Variants in RIOK1 observed in about 807,000 individuals in gnomAD.
RIOK1 encodes serine/threonine-protein kinase RIO1.
Under a neutral mutation model 73.5 loss-of-function variants are expected in RIOK1, and 66 were observed. That is an observed-to-expected ratio of 0.90 (90% CI 0.74 to 1.10). The LOEUF is 1.10. Ranked by LOEUF, RIOK1 falls within the 50% of genes least tolerant of loss-of-function variation. The pLI is 0.00. For synonymous variants in RIOK1, 224 were observed against 226.8 expected, an observed-to-expected ratio of 0.99 and a Z score of 0.11; for missense variants, 658 against 699.8, an observed-to-expected ratio of 0.94 and a Z score of 0.67.
chr6:7,404,704 G>A (rs1434535941), intron 10 of RIOK1, 149 bp downstream of exon 10: 1 of 1,114,354 alleles, frequency 9.0e-7, no homozygotes, highest in African/African-American at 1.6e-5. Flanking sequence ...CCTTTTTTCA[G>A]TGACCTTAGT....
chr6:7,396,335 C>A (rs574640537), intron 3 of RIOK1, among the ~76,000 whole-genome samples: 23 of 152,252 alleles, frequency 1.5e-4, no homozygotes, highest in African/African-American at 5.5e-4. Context: ...AGACTTATAA[C>A]TTGAAGTGAA....
In RIOK1 at chr6:7,403,975, A is replaced by G. The variant is rs1761676746; in HGVS notation, c.802A>G (p.Ile268Val). The G allele has an allele frequency of 6.2e-7, 1 of 1,612,686 alleles. No individual in the cohort carries two copies. Among genetic ancestry groups the G allele is most frequent in the Non-Finnish European group, 8.5e-7 (1 of 1,179,166 alleles). The part of the protein sequence containing the change: ...NTAEIPCPEP[I>V]MLRSHVLVMS... ...AGCAGAGATACCATGTCCAGAACCA[A>G]TAATGCTAAGAAGTCATGTTCTTGT... The change falls in exon 9 of 17, where the codon ATA becomes GTA. Residue 268 changes from isoleucine to valine, a missense_variant. Ile to Val is a conservative substitution (Grantham distance 29). Coordinates refer to ENST00000379834, the MANE Select transcript of RIOK1 (RefSeq NM_031480.3).
intron 12 of RIOK1, among the ~76,000 whole-genome samples, chr6:7,406,230 C>T (rs1761742747): frequency 6.6e-6 from 1 of 152,084 alleles, no homozygotes; most frequent in African/African-American, 2.4e-5. Context: ...ATCTTGGCCT[C>T]AGGTGACCCA....
Position 7,390,015 on chromosome 6 carries a change from C to G in RIOK1, c.13C>G (p.Arg5Gly). 1 of 1,553,826 alleles carries G rather than the reference C, an allele frequency of 6.4e-7. No homozygotes were observed. The highest frequency in any genetic ancestry group is 8.7e-7 in the Non-Finnish European group (1 of 1,148,706). The change falls in exon 1 of 17, where the codon CGG (arginine) becomes GGG (glycine). Residue 5 changes from arginine to glycine, a missense_variant. Arg to Gly is a moderately radical substitution (Grantham distance 125). Coordinates refer to ENST00000379834, the MANE Select transcript of RIOK1 (RefSeq NM_031480.3). Reference protein sequence around the residue: MDYRRLLMSRVVPGQ... With the variant: MDYRGLLMSRVVPGQ... ...GCGCTCTCCAGTCATGGACTACCGGCGGCTTCTCATGAGCCGGGTGGTCCC... is the reference window on the plus strand; with the variant it reads ...GCGCTCTCCAGTCATGGACTACCGGGGGCTTCTCATGAGCCGGGTGGTCCC...
intron 10 of RIOK1, 145 bp downstream of exon 10, chr6:7,404,700 T>A (rs551003683): frequency 8.9e-7 from 1 of 1,127,332 alleles, no homozygotes; most frequent in African/African-American, 1.6e-5. Flanking sequence ...GATTCCTTTT[T>A]TCAGTGACCT....
chr6:7,396,881 A>C, intron 4 of RIOK1, 109 bp downstream of exon 4: 2 of 599,774 alleles, frequency 3.3e-6, no homozygotes, highest in Non-Finnish European at 5.8e-6. Flanking sequence ...ACTTAAACCA[A>C]TCATTATTTT....
chr6:7,400,714 G>A (rs1177876818), intron 5 of RIOK1, among the ~76,000 whole-genome samples: 1 of 152,174 alleles, frequency 6.6e-6, no homozygotes, highest in Admixed American at 6.5e-5. Context: ...GAACTTGGTT[G>A]CCTTTGATTT....
intron 13 of RIOK1, among the ~76,000 whole-genome samples, chr6:7,411,086 C>A (rs1394886057): frequency 2.0e-5 from 3 of 152,154 alleles, no homozygotes; most frequent in African/African-American, 7.2e-5. Context: ...TGAATCAGCT[C>A]TAATGTTTTT....
intron 16 of RIOK1, among the ~76,000 whole-genome samples, chr6:7,415,909 T>A (rs1238988602): frequency 6.7e-6 from 1 of 149,200 alleles, no homozygotes; most frequent in Admixed American, 6.6e-5. Context: ...TTAGTTATTA[T>A]CTCTTACTGT....
chr6:7,401,143 G>A, intron 6 of RIOK1, 93 bp downstream of exon 6: 1 of 768,268 alleles, frequency 1.3e-6, no homozygotes, highest in Non-Finnish European at 2.2e-6. Context: ...CCTTTAAGAA[G>A]AAAGAAAAAC....
At chr6:7,404,686 A>T in intron 10 of RIOK1, 131 bp downstream of exon 10, 4 of 1,164,986 alleles carry the variant, frequency 3.4e-6, no homozygotes, top group Non-Finnish European at 4.9e-6. Flanking sequence ...ATGGTATAAG[A>T]TAGGATTCCT....
In RIOK1 at chr6:7,395,071, G is replaced by T. The variant is rs769061872; in HGVS notation, c.295G>T (p.Asp99Tyr). The change falls in exon 3 of 17, where the codon GAC (aspartate) becomes TAC (tyrosine). Residue 99 changes from aspartate (D) to tyrosine (Y), a missense_variant. Asp to Tyr is a radical substitution (Grantham distance 160). Transcript: ENST00000379834. ...SNPQANRQTSDSSSAKMSTPA... is the reference protein window; with the variant it reads ...SNPQANRQTSYSSSAKMSTPA... Reference sequence around the variant, plus strand: ...CTTCTAGGCAAATCGACAGACCTCCGACAGCAGTTCAGCCAAAATGTCTAC... The same window carrying T: ...CTTCTAGGCAAATCGACAGACCTCCTACAGCAGTTCAGCCAAAATGTCTAC... 6.2e-7 allele frequency: 1 copy of T among 1,613,734 alleles called. No homozygotes were observed. The highest frequency in any genetic ancestry group is 8.5e-7 in the Non-Finnish European group (1 of 1,179,854).
At chr6:7,393,381 GA>G in intron 2 of RIOK1, 78 bp downstream of exon 2, 2 of 1,170,948 alleles carry the variant, frequency 1.7e-6, no homozygotes, top group Non-Finnish European at 2.5e-6. Flanking sequence ...TTGTGATTCT[GA>G]AATTGAATAA....
chr6:7,412,898 C>G lies in RIOK1; in HGVS notation c.1399C>G (p.Gln467Glu). ...TCATTTTGGTTATAAGATTCTATAC[C>G]AGACTGTTACAGGATTGAAGAAAGA... The part of the protein sequence containing the change: ...MNAQQDNILY[Q>E]TVTGLKKDLS... The change falls in exon 15 of 17, where the codon CAG becomes GAG. Residue 467 changes from glutamine to glutamate, a missense_variant. Gln to Glu is a conservative substitution (Grantham distance 29). Transcript: ENST00000379834. The G allele has an allele frequency of 1.3e-6, 2 of 1,534,656 alleles. No homozygotes were observed. Among genetic ancestry groups the G allele is most frequent in the Non-Finnish European group, 1.8e-6 (2 of 1,140,780 alleles).
At chr6:7,414,968 C>A (rs1018029614) in intron 16 of RIOK1, among the ~76,000 whole-genome samples, 1 of 152,168 alleles carries the variant, frequency 6.6e-6, no homozygotes, top group Non-Finnish European at 1.5e-5. Flanking sequence ...ACTCCCCACC[C>A]GTTAGTCACT....
chr6:7,391,012 G>A (rs1255911498), intron 1 of RIOK1, among the ~76,000 whole-genome samples: 3 of 152,174 alleles, frequency 2.0e-5, no homozygotes, highest in African/African-American at 7.2e-5. Context: ...AGAAGTGGCA[G>A]CGTTTGGTGG....
intron 14 of RIOK1, among the ~76,000 whole-genome samples, chr6:7,411,795 C>T (rs1761889125): frequency 6.6e-6 from 1 of 152,080 alleles, no homozygotes; most frequent in South Asian, 2.1e-4. Context: ...GGTGAAGGGT[C>T]AGATAGTAAA....
At chr6:7,392,366 C>A (rs890747928) in intron 1 of RIOK1, among the ~76,000 whole-genome samples, 1 of 152,238 alleles carries the variant, frequency 6.6e-6, no homozygotes, top group Non-Finnish European at 1.5e-5. Flanking sequence ...TGCCTGGTCC[C>A]TGTATTCACC....
In RIOK1 at chr6:7,402,735, T is replaced by G; in HGVS notation, c.686+20T>G. ...ATTCAGGTAAGTTCAGATTTTTCCC[T>G]CCAGTTGGTTTAATTTCTATTTCCT... On this transcript the variant is annotated intron_variant, in intron 7 of 16. Coordinates refer to ENST00000379834, the MANE Select transcript of RIOK1 (RefSeq NM_031480.3). 6.2e-7 allele frequency: 1 copy of G among 1,605,814 alleles called. No homozygotes were observed. The highest frequency in any genetic ancestry group is 1.3e-5 in the African/African-American group (1 of 74,584).
Sources: allele counts gnomAD v4.1 joint callset (sites outside exome capture counted in the v4.1 genomes callset), GRCh38; gene constraint gnomAD v4.1.1; transcripts MANE v1.5; gene names NCBI Gene and HGNC (gene_info 2026-07-23, HGNC 2026-07-21).